ZNF536: variants seen among roughly 807,000 people sequenced by gnomAD.
The protein encoded by ZNF536 is zinc finger protein 536.
A neutral mutation model predicts 84.5 loss-of-function variants in ZNF536; 13 were observed. The ratio of observed to expected loss-of-function variants is 0.15; its 90% CI spans 0.10 to 0.24. The LOEUF (loss-of-function observed/expected upper bound fraction) is 0.24. ZNF536 is among the 10% of genes least tolerant of loss of function. The pLI, the probability that ZNF536 is intolerant of heterozygous loss-of-function variation, is 1.00. For synonymous variants in ZNF536, 811 were observed against 742.5 expected (o/e 1.09, Z -1.50); for missense variants, 1,536 against 1,747.5 (o/e 0.88, Z 2.16).
chr19:30,650,651 C>CCGTA (rs1818024218), intron 1 of ZNF536, among the ~76,000 whole-genome samples: 1 of 152,078 alleles, frequency 6.6e-6, no homozygotes, highest in Non-Finnish European at 1.5e-5. Context: ...AACTTGCTGT[C>CCGTA]CGTAGAAAGA....
At chr19:30,534,482 G>T (rs914638798) in intron 2 of ZNF536, among the ~76,000 whole-genome samples, 6 of 152,048 alleles carry the variant, frequency 3.9e-5, no homozygotes, top group African/African-American at 1.4e-4. Context: ...TCTACAGTGA[G>T]TCCATATTAT....
At position 30,444,966 on chromosome 19, in the gene ZNF536, G is replaced by C. The variant is rs771069756; in HGVS notation, c.1404G>C (p.Lys468Asn). The C allele has an allele frequency of 2.6e-5, 42 of 1,611,722 alleles. 1 individual carries two copies. In the South Asian group the frequency reaches 4.6e-4, roughly 18 times the overall value. The change falls in exon 2 of 5, where the codon AAG becomes AAC. Residue 468 changes from lysine to asparagine, a missense_variant. Coordinates refer to ENST00000355537, the MANE Select transcript of ZNF536 (RefSeq NM_014717.3). ...LPMKEKEALG[K>N]LLSPISSMAH... is the part of the protein sequence containing the mutation. ...TGAAGGAGAAGGAAGCGCTGGGGAA[G>C]CTGCTGTCTCCCATCTCCAGCATGG...
intron 1 of ZNF536, among the ~76,000 whole-genome samples, chr19:30,234,836 C>T (rs1350420572): frequency 3.9e-5 from 6 of 152,062 alleles, no homozygotes; most frequent in East Asian, 3.9e-4. Context: ...CACCTAAAAT[C>T]GAGATTAATC....
At chr19:30,403,356 C>T (rs2050132341) in intron 1 of ZNF536, among the ~76,000 whole-genome samples, 1 of 152,286 alleles carries the variant, frequency 6.6e-6, no homozygotes, top group Middle Eastern at 3.4e-3. Flanking sequence ...TAAACTCTTT[C>T]CCTGAAAAAA....
intron 3 of ZNF536, among the ~76,000 whole-genome samples, chr19:30,544,769 A>G (rs1440528972): frequency 6.6e-6 from 1 of 152,240 alleles, no homozygotes; most frequent in Non-Finnish European, 1.5e-5. Context: ...GTGCACAAGT[A>G]GCACTGGCTC....
chr19:30,470,221 G>A (rs998722834), intron 2 of ZNF536, among the ~76,000 whole-genome samples: 1 of 152,310 alleles, frequency 6.6e-6, no homozygotes, highest in Admixed American at 6.5e-5. Context: ...GAGGAAGGGA[G>A]GCTTAGAATA....
At chr19:30,575,766 C>T (rs867515181) in intron 1 of ZNF536, among the ~76,000 whole-genome samples, 1 of 152,184 alleles carries the variant, frequency 6.6e-6, no homozygotes, top group African/African-American at 2.4e-5. Context: ...AAGGCCTGTG[C>T]AGTGACACCC....
intron 1 of ZNF536, among the ~76,000 whole-genome samples, chr19:30,398,613 C>A (rs1338649845): frequency 6.6e-6 from 1 of 152,074 alleles, no homozygotes; most frequent in African/African-American, 2.4e-5. Flanking sequence ...TTGTTCAGCT[C>A]CCACTTATGA....
intron 1 of ZNF536, among the ~76,000 whole-genome samples, chr19:30,259,481 G>T (rs1017861651): frequency 6.6e-6 from 1 of 152,148 alleles, no homozygotes; most frequent in Non-Finnish European, 1.5e-5. Flanking sequence ...CCATCTAATC[G>T]GAAACGCTGT....
intron 2 of ZNF536, among the ~76,000 whole-genome samples, chr19:30,498,749 T>A (rs960415405): frequency 6.6e-6 from 1 of 152,176 alleles, no homozygotes; most frequent in Non-Finnish European, 1.5e-5. Flanking sequence ...GTCCTTGTTG[T>A]CTGGGTGAGG....
At chr19:30,365,750 T>G (rs1170524156) in intron 3 of ZNF536, among the ~76,000 whole-genome samples, 1 of 152,208 alleles carries the variant, frequency 6.6e-6, no homozygotes, top group African/African-American at 2.4e-5. Flanking sequence ...TTGGAGTTTT[T>G]CCAGAGTGAG....
At chr19:30,527,013 G>A (rs891527376) in intron 2 of ZNF536, among the ~76,000 whole-genome samples, 1 of 151,754 alleles carries the variant, frequency 6.6e-6, no homozygotes, top group Admixed American at 6.6e-5. Context: ...CCGCCTCCTG[G>A]GTTCAAGCGA....
At chr19:30,290,859 G>A (rs1451859384) in intron 2 of ZNF536, among the ~76,000 whole-genome samples, 1 of 152,050 alleles carries the variant, frequency 6.6e-6, no homozygotes, top group Non-Finnish European at 1.5e-5. Flanking sequence ...CCACCAACAG[G>A]CCCTGGTGTG....
intron 1 of ZNF536, among the ~76,000 whole-genome samples, chr19:30,256,893 C>T (rs2024944110): frequency 6.6e-6 from 1 of 152,160 alleles, no homozygotes; most frequent in Non-Finnish European, 1.5e-5. Context: ...AACAGTAAAA[C>T]TGACAGCATT....
At chr19:30,581,847 T>C (rs994477845) in intron 1 of ZNF536, among the ~76,000 whole-genome samples, 6 of 152,030 alleles carry the variant, frequency 3.9e-5, no homozygotes, top group Non-Finnish European at 8.8e-5. Context: ...GGCAGGAGAA[T>C]TGCTTGAACC....
chr19:30,617,488 C>T (rs181143907), intron 1 of ZNF536, among the ~76,000 whole-genome samples: 39 of 151,332 alleles, frequency 2.6e-4, no homozygotes, highest in Admixed American at 9.9e-4. Context: ...GTAACTGGGA[C>T]GACAGGCGCC....
chr19:30,393,748 G>A (rs762334441), intron 1 of ZNF536, among the ~76,000 whole-genome samples: 8 of 152,214 alleles, frequency 5.3e-5, no homozygotes, highest in Non-Finnish European at 1.0e-4. Flanking sequence ...AGGCACAGAG[G>A]AAGGGGAAGC....
intron 1 of ZNF536, among the ~76,000 whole-genome samples, chr19:30,663,505 C>T (rs565560641): frequency 6.6e-5 from 10 of 152,294 alleles, no homozygotes; most frequent in African/African-American, 1.4e-4. Flanking sequence ...GAAATGAATA[C>T]GATTTTCTAA....
chr19:30,527,834 C>T (rs967206922), intron 2 of ZNF536, among the ~76,000 whole-genome samples: 6 of 152,084 alleles, frequency 3.9e-5, no homozygotes, highest in African/African-American at 9.7e-5. Context: ...CCCAAGGTGT[C>T]GGTATTATCT....
Sources: allele counts gnomAD v4.1 joint callset (sites outside exome capture counted in the v4.1 genomes callset), GRCh38; gene constraint gnomAD v4.1.1; transcripts MANE v1.5; gene names NCBI Gene and HGNC (gene_info 2026-07-23, HGNC 2026-07-21).